Variants in CERT1 observed in about 807,000 individuals in gnomAD.
CERT1 encodes ceramide transfer protein.
In CERT1, 31 loss-of-function variants were observed where a neutral mutation model predicts 87.9. That is an observed-to-expected ratio of 0.35 (90% CI 0.27 to 0.48). The LOEUF (loss-of-function observed/expected upper bound fraction) is 0.48. CERT1 is among the 20% of genes least tolerant of loss of function. The probability of loss-of-function intolerance (pLI) is 0.99; values close to 1 mark genes in which losing one functional copy is unlikely to be tolerated. For synonymous variants in CERT1, 289 were observed against 250.9 expected, an observed-to-expected ratio of 1.15 and a Z score of -1.44; for missense variants, 487 against 758.0, an observed-to-expected ratio of 0.64 and a Z score of 4.20.
intron 3 of CERT1, 88 bp from the exon 4 acceptor site, chr5:75,426,566 T>TA: frequency 1.1e-6 from 1 of 919,518 alleles, no homozygotes; most frequent in Non-Finnish European, 1.7e-6. Context: ...ACAAGGTTAT[T>TA]ATAACAATTG....
intron 11 of CERT1, among the ~76,000 whole-genome samples, chr5:75,397,664 C>G (rs1580714253): frequency 6.6e-6 from 1 of 152,238 alleles, no homozygotes; most frequent in East Asian, 1.9e-4. Flanking sequence ...CACAATAAAC[C>G]AAAGTCTCCC....
chr5:75,450,073 G>A (rs1318248573), intron 3 of CERT1, among the ~76,000 whole-genome samples: 2 of 152,014 alleles, frequency 1.3e-5, no homozygotes, highest in African/African-American at 2.4e-5. Context: ...CACCTTCCCA[G>A]ACAGAAGAAC....
chr5:75,393,919 C>T (rs1421690863), intron 11 of CERT1, among the ~76,000 whole-genome samples: 6 of 151,874 alleles, frequency 4.0e-5, no homozygotes, highest in Non-Finnish European at 7.4e-5. Flanking sequence ...GAGCCGAGAT[C>T]GCGCCACTGC....
At chr5:75,436,458 T>TA (rs1421472593) in intron 3 of CERT1, among the ~76,000 whole-genome samples, 2 of 152,226 alleles carry the variant, frequency 1.3e-5, no homozygotes, top group Non-Finnish European at 2.9e-5. Context: ...GCTAGCTTTG[T>TA]AAGTGTAGTA....
chr5:75,425,745 A>AT (rs1460515659), intron 4 of CERT1, among the ~76,000 whole-genome samples: 2 of 152,214 alleles, frequency 1.3e-5, no homozygotes, highest in Admixed American at 6.5e-5. Flanking sequence ...AATAAGCCCT[A>AT]TTTTTTATAG....
At chr5:75,401,678 T>G (rs920819379) in intron 9 of CERT1, 3 of 152,160 alleles carry the variant, frequency 2.0e-5, no homozygotes, top group African/African-American at 7.2e-5. Flanking sequence ...GCTTTACAAA[T>G]TAATGTGACA....
At position 75,392,969 on chromosome 5, in the gene CERT1, CAAAAAAAAAAAAAAAAAAA is replaced by C. The variant is rs1198217217; in HGVS notation, c.1189-3301_1189-3283del. 7.0e-3 allele frequency among the ~76,000 whole-genome samples: 61 copies of C among 8,704 alleles called. 1 individual carries two copies. Among genetic ancestry groups the C allele is most frequent in the South Asian group, 0.026 (4 of 156 alleles). 5.7% of individuals were successfully genotyped at this position (8,704 alleles called of 152,430 possible). On this transcript the variant is annotated intron_variant, in intron 11 of 16. Transcript: ENST00000643780. ...TGGATGACAGAGAGAGACTCCGTCT[CAAAAAAAAAAAAAAAAAAA>C]AAAAAAAAAGAAGTGGGAAACAAGG... is the stretch of plus-strand genomic sequence containing the variant.
intron 2 of CERT1, among the ~76,000 whole-genome samples, chr5:75,496,996 T>A (rs564577448): frequency 3.3e-5 from 5 of 151,662 alleles, no homozygotes; most frequent in African/African-American, 1.2e-4. Flanking sequence ...AAAAAAGACA[T>A]AGAATAAGGA....
intron 2 of CERT1, among the ~76,000 whole-genome samples, chr5:75,471,932 C>T (rs1308720568): frequency 6.6e-6 from 1 of 152,040 alleles, no homozygotes; most frequent in Non-Finnish European, 1.5e-5. Flanking sequence ...AATCCTAAAA[C>T]TCATGTGGAA....
intron 12 of CERT1, among the ~76,000 whole-genome samples, chr5:75,388,826 T>C (rs1006469924): frequency 1.3e-5 from 2 of 151,718 alleles, no homozygotes; most frequent in African/African-American, 2.4e-5. Flanking sequence ...GGTTTCACCG[T>C]GTTGCCCAGG....
At chr5:75,437,988 C>T (rs994972354) in intron 3 of CERT1, among the ~76,000 whole-genome samples, 1 of 151,948 alleles carries the variant, frequency 6.6e-6, no homozygotes, top group Non-Finnish European at 1.5e-5. Context: ...GCTAATGATG[C>T]TGTCATTGTG....
rs553378468 is a variant in CERT1, at chr5:75,456,041, C to T, written c.348+3024G>A. On this transcript the variant is annotated intron_variant, in intron 3 of 16. Transcript: ENST00000643780. ...TACAGTTTTATATAGAGGATCAAGA[C>T]GATAATGCATACTTAAATAGTAAAA... 1.2e-4 allele frequency among the ~76,000 whole-genome samples: 19 copies of T among 152,112 alleles called. No homozygotes were observed. In the South Asian group the frequency reaches 2.1e-3, roughly 17 times the overall value.
At chr5:75,402,815 G>T in intron 9 of CERT1, 157 bp downstream of exon 9, 12 of 441,352 alleles carry the variant, frequency 2.7e-5, no homozygotes, top group East Asian at 7.5e-5. Flanking sequence ...AAAAAAAAAA[G>T]ATTATTTTAC....
rs184272929 is a variant in CERT1, at chr5:75,425,083, A to G, written c.595+278T>C. Among the ~76,000 whole-genome samples the G allele has an allele frequency of 8.5e-5, 13 of 152,258 alleles. No individual in the cohort carries two copies. The East Asian group carries it at 2.5e-3, about 29-fold the overall frequency. On this transcript the variant is annotated intron_variant, in intron 5 of 16. Coordinates refer to ENST00000643780, the MANE Select transcript of CERT1 (RefSeq NM_001379029.1). ...CAGTGAGCTATGATCGCGCCACTGC[A>G]CTCCAGCCTGGGCGATAGAATGAAA...
At chr5:75,370,361 G>C (rs1188395948) in intron 17 of CERT1, 1 of 152,314 alleles carries the variant, frequency 6.6e-6, no homozygotes, top group Admixed American at 6.5e-5. Flanking sequence ...AACAAGTGGA[G>C]CTGAGATTAA....
chr5:75,445,849 A>G (rs1041006416), intron 3 of CERT1, among the ~76,000 whole-genome samples: 1 of 152,164 alleles, frequency 6.6e-6, no homozygotes, highest in African/African-American at 2.4e-5. Context: ...CTTTGAATAC[A>G]TTGGCCCATA....
chr5:75,478,921 A>AAAAG (rs1766099512), intron 2 of CERT1, among the ~76,000 whole-genome samples: 1 of 148,632 alleles, frequency 6.7e-6, no homozygotes, highest in African/African-American at 2.5e-5. Flanking sequence ...AAAAAAAAAA[A>AAAAG]AAAAAAAAAA....
intron 2 of CERT1, among the ~76,000 whole-genome samples, chr5:75,477,923 C>G (rs1766043932): frequency 6.6e-6 from 1 of 152,050 alleles, no homozygotes; most frequent in South Asian, 2.1e-4. Flanking sequence ...TACATAAGAC[C>G]TGTGGGTAAA....
chr5:75,454,503 T>C (rs1392003990), intron 3 of CERT1, among the ~76,000 whole-genome samples: 2 of 152,084 alleles, frequency 1.3e-5, no homozygotes, highest in East Asian at 1.9e-4. Context: ...GAGTGCAAAA[T>C]GGGTCATAAA....
Sources: gnomAD v4.1 joint callset for allele counts (sites outside exome capture counted in the v4.1 genomes callset) on GRCh38, gnomAD v4.1.1 for gene constraint, MANE v1.5 for transcripts, NCBI Gene and HGNC (gene_info 2026-07-23, HGNC 2026-07-21) for gene names.